The following PCDH15 variants were observed in gnomAD, a reference collection of about 807,000 sequenced individuals.
PCDH15 encodes the protein protocadherin related 15.
In PCDH15, 129 loss-of-function variants were observed where a neutral mutation model predicts 178.5. That is an observed-to-expected ratio of 0.72 (90% CI 0.63 to 0.84). PCDH15 has a LOEUF of 0.84. PCDH15 is among the 40% of genes least tolerant of loss of function. The pLI is 0.00. For missense variants in PCDH15, 2,230 were observed against 2,099.9 expected (o/e 1.06, Z -1.21); for synonymous variants, 800 against 732.0 (o/e 1.09, Z -1.50).
chr10:55,502,932 T>G (rs1303247133), intron 2 of PCDH15, among the ~76,000 whole-genome samples: 3 of 151,660 alleles, frequency 2.0e-5, no homozygotes, highest in Non-Finnish European at 4.4e-5. Context: ...CTTATCAAAA[T>G]GTAACCTAAC....
At chr10:54,149,572 A>G (rs2044311303) in intron 14 of PCDH15, among the ~76,000 whole-genome samples, 1 of 152,158 alleles carries the variant, frequency 6.6e-6, no homozygotes, top group South Asian at 2.1e-4. Flanking sequence ...GATGAAATGT[A>G]TAAACTGTTG....
At chr10:54,415,390 A>C (rs1193583782) in intron 3 of PCDH15, among the ~76,000 whole-genome samples, 2 of 152,174 alleles carry the variant, frequency 1.3e-5, no homozygotes, top group South Asian at 4.1e-4. Context: ...ATAGTTTAAA[A>C]AAATCAGACA....
At chr10:53,903,412 C>T (rs1049710548) in intron 25 of PCDH15, 42 bp from the exon 26 acceptor site, 2 of 1,607,136 alleles carry the variant, frequency 1.2e-6, no homozygotes, top group Non-Finnish European at 1.7e-6. Context: ...GGTGGTTATT[C>T]ATGGGGGAAA....
intron 23 of PCDH15, among the ~76,000 whole-genome samples, chr10:53,941,619 T>C (rs576453027): frequency 6.6e-6 from 1 of 152,222 alleles, no homozygotes. Context: ...AAAGCCACTA[T>C]AAACATCTGT....
intron 1 of PCDH15, among the ~76,000 whole-genome samples, chr10:54,688,617 T>C (rs2095058488): frequency 6.6e-6 from 1 of 152,134 alleles, no homozygotes; most frequent in South Asian, 2.1e-4. Context: ...TTACATAGGT[T>C]TTCTCCTTTC....
At chr10:54,138,268 G>A (rs1486704246) in intron 14 of PCDH15, among the ~76,000 whole-genome samples, 1 of 152,044 alleles carries the variant, frequency 6.6e-6, no homozygotes, top group Admixed American at 6.6e-5. Context: ...GTGTGAGCAA[G>A]TGTGTATCTT....
Position 55,434,077 on chromosome 10 carries a change from C to CTTTTTTTTTTTTTTTTT in PCDH15, c.-156+193531_-156+193547dup, listed in dbSNP as rs60921527. 4.3e-4 allele frequency among the ~76,000 whole-genome samples: 39 copies of CTTTTTTTTTTTTTTTTT among 90,818 alleles called. 3 individuals are homozygous for CTTTTTTTTTTTTTTTTT. Among genetic ancestry groups the CTTTTTTTTTTTTTTTTT allele is most frequent in the Non-Finnish European group, 6.4e-4 (33 of 51,232 alleles). The allele number at this position is 90,818 out of a possible 152,430, so 59.6% of individuals were successfully genotyped here. On this transcript the variant is annotated intron_variant, in intron 2 of 5. Coordinates refer to the PCDH15 transcript ENST00000613346. ...AATTCTCCGCTTTTTCTTTTCTTTT[C>CTTTTTTTTTTTTTTTTT]TTTTTTTTTTTTTTTTTTTTTGAGA... is the stretch of plus-strand genomic sequence containing the variant.
At position 54,702,282 on chromosome 10, in the gene PCDH15, A is replaced by G. The variant is rs550728007; in HGVS notation, c.-28-37992T>C. 2.6e-5 allele frequency among the ~76,000 whole-genome samples: 4 copies of G among 152,176 alleles called. No individual in the cohort carries two copies. The East Asian group carries it at 5.8e-4, about 22-fold the overall frequency. ...AATAACAAAGATACAACACATCAGAATCTCTAGGACACAGCTAAAGCAGTG... is the reference window on the plus strand; with the variant it reads ...AATAACAAAGATACAACACATCAGAGTCTCTAGGACACAGCTAAAGCAGTG... On this transcript the variant is annotated intron_variant, in intron 1 of 37. Transcript: ENST00000644397.
At chr10:55,585,473 T>A (rs1404315607) in intron 2 of PCDH15, among the ~76,000 whole-genome samples, 1 of 152,090 alleles carries the variant, frequency 6.6e-6, no homozygotes, top group Admixed American at 6.6e-5. Context: ...GGTCAGGAGT[T>A]CAAGACTAGC....
chr10:54,388,898 T>G (rs1282921861), intron 3 of PCDH15, among the ~76,000 whole-genome samples: 4 of 152,178 alleles, frequency 2.6e-5, no homozygotes, highest in Non-Finnish European at 5.9e-5. Flanking sequence ...CACTGGTCAG[T>G]GAGCTGGTTC....
At chr10:54,108,794 C>T (rs768887330) in intron 15 of PCDH15, among the ~76,000 whole-genome samples, 37 of 152,246 alleles carry the variant, frequency 2.4e-4, no homozygotes, top group Non-Finnish European at 5.1e-4. Flanking sequence ...ATCTTGAATA[C>T]CAGGTAAGCC....
chr10:54,054,642 A>G (rs2093845883), intron 18 of PCDH15, among the ~76,000 whole-genome samples: 1 of 152,140 alleles, frequency 6.6e-6, no homozygotes, highest in Non-Finnish European at 1.5e-5. Context: ...GTAGGCCCTA[A>G]ATAAATATTG....
At chr10:54,983,781 T>C (rs1839299230) in intron 2 of PCDH15, among the ~76,000 whole-genome samples, 1 of 152,126 alleles carries the variant, frequency 6.6e-6, no homozygotes, top group African/African-American at 2.4e-5. Context: ...GGGATCAAAT[T>C]CCTTGGGGCT....
chr10:54,312,319 C>T (rs891201744), intron 8 of PCDH15, among the ~76,000 whole-genome samples: 1 of 152,002 alleles, frequency 6.6e-6, no homozygotes, highest in Admixed American at 6.6e-5. Context: ...TAACAATATA[C>T]ATAACAATGT....
At chr10:55,355,315 C>A (rs1845048027) in intron 2 of PCDH15, among the ~76,000 whole-genome samples, 1 of 151,966 alleles carries the variant, frequency 6.6e-6, no homozygotes. Context: ...GTACATTTAA[C>A]TTTATAAGAA....
At chr10:55,169,524 C>A (rs1175970998) in intron 1 of PCDH15, among the ~76,000 whole-genome samples, 2 of 152,146 alleles carry the variant, frequency 1.3e-5, no homozygotes, top group Admixed American at 1.3e-4. Flanking sequence ...ATTCCACCTT[C>A]AACCAAACCT....
At chr10:55,183,755 A>G (rs1306982291) in intron 1 of PCDH15, among the ~76,000 whole-genome samples, 1 of 151,876 alleles carries the variant, frequency 6.6e-6, no homozygotes, top group Non-Finnish European at 1.5e-5. Context: ...TGGTTAAGAC[A>G]TTATTGGTAA....
chr10:55,056,951 A>C (rs1219284715), intron 2 of PCDH15, among the ~76,000 whole-genome samples: 1 of 152,134 alleles, frequency 6.6e-6, no homozygotes, highest in Non-Finnish European at 1.5e-5. Flanking sequence ...TCACTATTTG[A>C]AATTACATTT....
intron 2 of PCDH15, among the ~76,000 whole-genome samples, chr10:55,021,970 G>A (rs748441285): frequency 6.6e-6 from 1 of 152,056 alleles, no homozygotes; most frequent in Non-Finnish European, 1.5e-5. Context: ...TCGCATGGTG[G>A]AATCTAAAAA....
Sources: allele counts gnomAD v4.1 joint callset (sites outside exome capture counted in the v4.1 genomes callset), GRCh38; gene constraint gnomAD v4.1.1; transcripts MANE v1.5; gene names NCBI Gene and HGNC (gene_info 2026-07-23, HGNC 2026-07-21).